SLC9A7: variants seen among roughly 807,000 people sequenced by gnomAD.
SLC9A7 encodes solute carrier family 9 member A7.
In SLC9A7, 19 loss-of-function variants were observed where a neutral mutation model predicts 52.6. The ratio of observed to expected loss-of-function variants is 0.36; its 90% confidence interval spans 0.25 to 0.53. SLC9A7 has a LOEUF of 0.53. Among genes scored for constraint, SLC9A7 ranks in the 20% least tolerant of loss-of-function variants. The pLI is 0.91. For synonymous variants in SLC9A7, 226 were observed against 252.1 expected, an observed-to-expected ratio of 0.90 and a Z score of 0.98; for missense variants, 455 against 597.9, an observed-to-expected ratio of 0.76 and a Z score of 2.49.
At position 46,606,425 on chromosome X, in the gene SLC9A7, A is replaced by G; in HGVS notation, c.*527T>C. The G allele has an allele frequency of 9.2e-6, 7 of 757,450 alleles. No individual in the cohort carries two copies. The highest frequency in any genetic ancestry group is 1.1e-5 in the Non-Finnish European group (7 of 641,082). 62.4% of individuals were successfully genotyped at this position (757,450 alleles called of 1,213,427 possible). A position where few individuals can be genotyped will look rare whatever the true frequency, so the allele number is the denominator to read the frequency against. ...GGAATCCTGATATGAGGTTGCAGTC[A>G]AGCAGACTTCGTTGCCAGAGCCTCC... On this transcript the variant is annotated 3_prime_UTR_variant, in exon 17 of 17. Transcript: ENST00000616978.
At chrX:46,658,635 A>G (rs958697357) in intron 7 of SLC9A7, among the ~76,000 whole-genome samples, 1 of 111,050 alleles carries the variant, frequency 9.0e-6, no homozygotes, top group East Asian at 2.8e-4. Context: ...GAAATGGATA[A>G]ATTCCTCGAC....
At chrX:46,656,372 G>T (rs1169221645) in intron 7 of SLC9A7, among the ~76,000 whole-genome samples, 2 of 113,525 alleles carry the variant, frequency 1.8e-5, no homozygotes, top group Non-Finnish European at 3.7e-5. Flanking sequence ...GCTGGACAGA[G>T]AATGACTTTG....
At chrX:46,619,563 C>A (rs1943008816) in intron 15 of SLC9A7, among the ~76,000 whole-genome samples, 1 of 111,107 alleles carries the variant, frequency 9.0e-6, no homozygotes, top group South Asian at 3.7e-4. Context: ...TAATGTCAAG[C>A]CAAATAAGCC....
chrX:46,756,916 TAAGCCTTAAGATAA>T (rs1408076365), intron 1 of SLC9A7, among the ~76,000 whole-genome samples: 1 of 111,926 alleles, frequency 8.9e-6, no homozygotes, highest in Non-Finnish European at 1.9e-5. Context: ...CTGTTGTCTT[TAAGCCTTAAGATAA>T]AGGTGATTGA....
chrX:46,652,529 T>C (rs1002273746), intron 8 of SLC9A7, among the ~76,000 whole-genome samples: 1 of 112,149 alleles, frequency 8.9e-6, no homozygotes, highest in Admixed American at 9.5e-5. Context: ...CGATCTTCTA[T>C]ATTTCTGGTT....
At chrX:46,721,304 A>G (rs1210711488) in intron 1 of SLC9A7, among the ~76,000 whole-genome samples, 1 of 111,897 alleles carries the variant, frequency 8.9e-6, no homozygotes, top group Non-Finnish European at 1.9e-5. Context: ...GTAATTATCC[A>G]TAATGGTAGA....
At chrX:46,632,373 A>G (rs1415509668) in intron 13 of SLC9A7, among the ~76,000 whole-genome samples, 1 of 111,816 alleles carries the variant, frequency 8.9e-6, no homozygotes, top group Non-Finnish European at 1.9e-5. Flanking sequence ...AATTTTAGCA[A>G]GAGGTTTGCT....
In SLC9A7 at chrX:46,605,642, A is replaced by C. The variant is rs1942731590; in HGVS notation, c.*1310T>G. ...CGGCTCAAAGTTTGGAATTCTACCT[A>C]GTCTTGAGACTACTATCTTGTATTT... On this transcript the variant is annotated 3_prime_UTR_variant, in exon 17 of 17. Transcript: ENST00000616978. 8.9e-6 allele frequency: 1 copy of C among 111,974 alleles called. No homozygotes were observed. The highest frequency in any genetic ancestry group is 3.3e-5 in the African/African-American group (1 of 30,753). The allele number at this position is 111,974 out of a possible 1,213,427, so 9.2% of individuals were successfully genotyped here.
intron 14 of SLC9A7, 64 bp downstream of exon 14, chrX:46,631,522 A>G: frequency 1.1e-6 from 1 of 910,256 alleles, no homozygotes; most frequent in Non-Finnish European, 1.6e-6. Flanking sequence ...ATCTAGGTAA[A>G]GTGCCTGGCA....
intron 5 of SLC9A7, among the ~76,000 whole-genome samples, chrX:46,668,274 C>G (rs903853210): frequency 7.2e-5 from 8 of 111,658 alleles, no homozygotes; most frequent in African/African-American, 2.6e-4. Context: ...CTTTGGGAGG[C>G]CGAGGTGGGC....
intron 1 of SLC9A7, among the ~76,000 whole-genome samples, chrX:46,716,632 C>T (rs1032752204): frequency 8.9e-6 from 1 of 111,747 alleles, no homozygotes; most frequent in African/African-American, 3.3e-5. Context: ...CATAAATGTA[C>T]TGACTCTTCT....
chrX:46,723,298 CAAA>C (rs764219707), intron 1 of SLC9A7, among the ~76,000 whole-genome samples: 1 of 18,722 alleles, frequency 5.3e-5, no homozygotes, highest in Admixed American at 6.4e-4. Flanking sequence ...AAGATTTCTA[CAAA>C]AAAAAAAAAA....
At chrX:46,673,179 A>G (rs1049091666) in intron 3 of SLC9A7, among the ~76,000 whole-genome samples, 3 of 111,797 alleles carry the variant, frequency 2.7e-5, no homozygotes, top group African/African-American at 9.8e-5. Flanking sequence ...AGCCTGGGAA[A>G]GAGGGACAAT....
At chrX:46,693,488 C>A (rs1602238017) in intron 1 of SLC9A7, among the ~76,000 whole-genome samples, 1 of 110,912 alleles carries the variant, frequency 9.0e-6, no homozygotes, top group African/African-American at 3.3e-5. Flanking sequence ...GAGGAAAGGA[C>A]AATCTTTTCA....
intron 1 of SLC9A7, among the ~76,000 whole-genome samples, chrX:46,724,050 AC>A (rs1205495805): frequency 8.9e-6 from 1 of 112,383 alleles, no homozygotes; most frequent in East Asian, 2.8e-4. Context: ...AAGAGATCAC[AC>A]CACTGCACTC....
At chrX:46,701,515 A>G (rs1944531217) in intron 1 of SLC9A7, among the ~76,000 whole-genome samples, 1 of 111,822 alleles carries the variant, frequency 8.9e-6, no homozygotes, top group African/African-American at 3.3e-5. Context: ...TGAACCCAGC[A>G]GGCGGAGGTT....
chrX:46,758,323 G>C (rs1360586688), intron 1 of SLC9A7, among the ~76,000 whole-genome samples: 7 of 111,745 alleles, frequency 6.3e-5, no homozygotes, highest in Non-Finnish European at 1.1e-4. Context: ...TGTCCCCTGA[G>C]GTGATGCAGT....
At chrX:46,657,396 C>A (rs2146799769) in intron 7 of SLC9A7, among the ~76,000 whole-genome samples, 1 of 109,731 alleles carries the variant, frequency 9.1e-6, no homozygotes, top group African/African-American at 3.3e-5. Context: ...TGTAAATGGA[C>A]TAAATGCTCC....
chrX:46,697,368 C>T (rs1396358152), intron 1 of SLC9A7, among the ~76,000 whole-genome samples: 1 of 111,806 alleles, frequency 8.9e-6, no homozygotes, highest in Non-Finnish European at 1.9e-5. Context: ...CTAATTAGCT[C>T]GAGTTATGTT....
Sources: allele counts gnomAD v4.1 joint callset (sites outside exome capture counted in the v4.1 genomes callset), GRCh38; gene constraint gnomAD v4.1.1; transcripts MANE v1.5; gene names NCBI Gene and HGNC (gene_info 2026-07-23, HGNC 2026-07-21).